The following MYO16 variants were observed in gnomAD, a reference collection of about 807,000 sequenced individuals.
MYO16 encodes the protein myosin XVI.
A neutral mutation model predicts 205.3 loss-of-function variants in MYO16; 94 were observed. The observed-to-expected ratio is 0.46, with a 90% CI of 0.39 to 0.54. MYO16 has a LOEUF of 0.54. Ranked by LOEUF, MYO16 falls within the 20% of genes least tolerant of loss-of-function variation. MYO16 has a pLI of 0.00. For synonymous variants in MYO16, 988 were observed against 954.0 expected, an observed-to-expected ratio of 1.04 and a Z score of -0.66; for missense variants, 2,315 against 2,387.5, an observed-to-expected ratio of 0.97 and a Z score of 0.63.
intron 16 of MYO16, among the ~76,000 whole-genome samples, chr13:108,920,026 T>C (rs1881669418): frequency 6.6e-6 from 1 of 152,236 alleles, no homozygotes; most frequent in Non-Finnish European, 1.5e-5. Flanking sequence ...TTCACTTTTT[T>C]AAAATCTGGA....
At chr13:108,768,990 A>G (rs1415514544) in intron 4 of MYO16, among the ~76,000 whole-genome samples, 5 of 152,238 alleles carry the variant, frequency 3.3e-5, no homozygotes, top group Admixed American at 2.6e-4. Flanking sequence ...ATATATTATC[A>G]GTAATATAAA....
At chr13:109,124,601 G>A (rs1469529339) in intron 29 of MYO16, among the ~76,000 whole-genome samples, 3 of 152,100 alleles carry the variant, frequency 2.0e-5, no homozygotes, top group Non-Finnish European at 4.4e-5. Context: ...AGAGCAGGAT[G>A]GATGTCCTAT....
intron 20 of MYO16, among the ~76,000 whole-genome samples, chr13:108,976,288 G>A (rs1329749009): frequency 6.6e-6 from 1 of 152,088 alleles, no homozygotes; most frequent in Non-Finnish European, 1.5e-5. Flanking sequence ...CTGATGTGAT[G>A]TATGTTTTAT....
chr13:108,665,821 T>C, intron 1 of MYO16, 65 bp from the exon 2 acceptor site: 1 of 1,476,314 alleles, frequency 6.8e-7, no homozygotes, highest in Non-Finnish European at 9.2e-7. Context: ...TCAAGTGTGC[T>C]GTGGTGCACA....
intron 4 of MYO16, among the ~76,000 whole-genome samples, chr13:108,734,542 A>G (rs1056217287): frequency 6.6e-6 from 1 of 151,796 alleles, no homozygotes; most frequent in African/African-American, 2.4e-5. Context: ...CAAAATCCAT[A>G]CTAGTTAGAA....
chr13:108,507,121 G>A, the MYO16 span, among the ~76,000 whole-genome samples: 1 of 152,178 alleles, frequency 6.6e-6, no homozygotes, highest in South Asian at 2.1e-4. Flanking sequence ...ACAGTTCTTA[G>A]CCATGTATCC....
At chr13:108,734,559 G>C (rs1367205420) in intron 4 of MYO16, among the ~76,000 whole-genome samples, 1 of 151,942 alleles carries the variant, frequency 6.6e-6, no homozygotes, top group Non-Finnish European at 1.5e-5. Flanking sequence ...AGAATAATCG[G>C]AAAGGGAATT....
At chr13:109,068,173 T>A (rs955921862) in intron 27 of MYO16, among the ~76,000 whole-genome samples, 1 of 152,200 alleles carries the variant, frequency 6.6e-6, no homozygotes, top group African/African-American at 2.4e-5. Flanking sequence ...GTCCCAGAAT[T>A]CTGAATATTT....
At chr13:108,914,696 G>A (rs994954281) in intron 16 of MYO16, among the ~76,000 whole-genome samples, 1 of 152,134 alleles carries the variant, frequency 6.6e-6, no homozygotes, top group Non-Finnish European at 1.5e-5. Flanking sequence ...AGGCTGGAGT[G>A]CAGTGGTGCT....
the MYO16 span, among the ~76,000 whole-genome samples, chr13:108,556,945 T>G: frequency 3.3e-5 from 5 of 152,296 alleles, no homozygotes; most frequent in South Asian, 1.0e-3. Flanking sequence ...TGACTGTTAT[T>G]GTGTGGATTT....
intron 4 of MYO16, among the ~76,000 whole-genome samples, chr13:108,763,877 A>G (rs1488412504): frequency 2.0e-5 from 3 of 152,032 alleles, no homozygotes; most frequent in South Asian, 2.1e-4. Context: ...ACCCATGGAA[A>G]TGTGTAATCT....
chr13:109,089,188 CATTATTATTATT>C (rs34430414), intron 27 of MYO16, among the ~76,000 whole-genome samples: 4 of 147,862 alleles, frequency 2.7e-5, no homozygotes, highest in African/African-American at 9.9e-5. Context: ...TTGTTTTCTG[CATTATTATTATT>C]ATTATTATTA....
At chr13:108,863,152 A>G (rs955166931) in intron 11 of MYO16, among the ~76,000 whole-genome samples, 4 of 152,168 alleles carry the variant, frequency 2.6e-5, no homozygotes, top group Non-Finnish European at 4.4e-5. Flanking sequence ...TAGTCTGCAA[A>G]TGATGACTTT....
At chr13:109,063,020 C>CA (rs1288157227) in intron 27 of MYO16, among the ~76,000 whole-genome samples, 21 of 152,060 alleles carry the variant, frequency 1.4e-4, no homozygotes, top group Non-Finnish European at 2.6e-4. Flanking sequence ...TGAACAACAA[C>CA]AACAAAATGT....
chr13:109,022,279 A>G (rs1039937942), intron 23 of MYO16, among the ~76,000 whole-genome samples: 1 of 129,048 alleles, frequency 7.7e-6, no homozygotes, highest in Non-Finnish European at 1.5e-5. Context: ...ACATATTTAT[A>G]TATACAAATA....
chr13:108,679,675 A>G (rs1882375482), intron 2 of MYO16, among the ~76,000 whole-genome samples: 1 of 151,038 alleles, frequency 6.6e-6, no homozygotes, highest in African/African-American at 2.4e-5. Context: ...TCTCTCTCTA[A>G]TGAAGATAAT....
At chr13:109,096,002 C>T (rs1249569201) in intron 27 of MYO16, among the ~76,000 whole-genome samples, 1 of 152,166 alleles carries the variant, frequency 6.6e-6, no homozygotes, top group Non-Finnish European at 1.5e-5. Flanking sequence ...ACTGTAGCAA[C>T]GGCGATGAAG....
chr13:109,032,104 C>G (rs1300220336), intron 23 of MYO16, among the ~76,000 whole-genome samples: 2 of 152,146 alleles, frequency 1.3e-5, no homozygotes. Context: ...GACCGACTTT[C>G]CCAGGTGTGG....
the MYO16 span, among the ~76,000 whole-genome samples, chr13:108,522,761 T>A: frequency 1.1e-5 from 1 of 88,270 alleles, no homozygotes; most frequent in South Asian, 4.4e-4. Context: ...GTGGGGTGTG[T>A]GTGTTTGTGT....
Sources: gnomAD v4.1 joint callset for allele counts (sites outside exome capture counted in the v4.1 genomes callset) on GRCh38, gnomAD v4.1.1 for gene constraint, MANE v1.5 for transcripts, NCBI Gene and HGNC (gene_info 2026-07-23, HGNC 2026-07-21) for gene names.